The following OTOP1 variants were observed in gnomAD, a reference collection of about 807,000 sequenced individuals.
The protein encoded by OTOP1 is proton channel OTOP1.
A neutral mutation model predicts 52.9 loss-of-function variants in OTOP1; 59 were observed. The observed-to-expected ratio is 1.12, with a 90% confidence interval of 0.91 to 1.39. The LOEUF is 1.39. Ranked by LOEUF, OTOP1 falls within the 40% of genes most tolerant of loss-of-function variation. The probability of loss-of-function intolerance (pLI) is 0.00; values close to 1 mark genes in which losing one functional copy is unlikely to be tolerated. For missense variants in OTOP1, 761 were observed against 800.9 expected, an observed-to-expected ratio of 0.95 and a Z score of 0.60; for synonymous variants, 317 against 337.7, an observed-to-expected ratio of 0.94 and a Z score of 0.67.
intron 4 of OTOP1, among the ~76,000 whole-genome samples, chr4:4,201,750 AAG>A: frequency 6.6e-6 from 1 of 152,272 alleles, no homozygotes; most frequent in East Asian, 1.9e-4. Flanking sequence ...CAAATGAGAA[AAG>A]AGAGGCTCAG....
chr4:4,200,290 C>G (rs1215532141), intron 4 of OTOP1, among the ~76,000 whole-genome samples: 1 of 151,820 alleles, frequency 6.6e-6, no homozygotes, highest in South Asian at 2.1e-4. Context: ...GGTCAGGAGA[C>G]TGAGACCATC....
At chr4:4,222,577 A>G (rs1577186180) in intron 1 of OTOP1, among the ~76,000 whole-genome samples, 1 of 152,304 alleles carries the variant, frequency 6.6e-6, no homozygotes, top group South Asian at 2.1e-4. Context: ...TCATGACACT[A>G]TGTCTATATT....
rs200023070 is a variant in OTOP1 at position 4,197,743 on chromosome 4, G to A, written c.1091C>T (p.Ala364Val). The A allele has an allele frequency of 7.4e-5, 120 of 1,613,744 alleles. No individual in the cohort carries two copies. The highest frequency in any genetic ancestry group is 5.8e-4 in the East Asian group (26 of 44,866). Reference protein sequence around the residue: ...AITLLMLMGAAGLAGIRIYRI... With the variant: ...AITLLMLMGAVGLAGIRIYRI... ...GTAAATCCGGATTCCAGCCAGCCCC[G>A]CAGCCCCCATAAGCATCAGCAGGGT... Residue 364 changes from alanine to valine, a missense_variant, in exon 5 of 6, where the codon GCG becomes GTG. Physicochemically the swap from Ala to Val is moderately conservative, Grantham distance 64. Coordinates refer to ENST00000296358, the MANE Select transcript of OTOP1 (RefSeq NM_177998.3).
chr4:4,226,028 C>T (rs1206287988), intron 1 of OTOP1, among the ~76,000 whole-genome samples: 2 of 152,130 alleles, frequency 1.3e-5, no homozygotes, highest in African/African-American at 2.4e-5. Context: ...AGAGGTCCTG[C>T]GATGGGCGAG....
intron 1 of OTOP1, among the ~76,000 whole-genome samples, chr4:4,219,159 G>T (rs187618416): frequency 1.6e-4 from 25 of 152,264 alleles, no homozygotes; most frequent in African/African-American, 5.3e-4. Context: ...AAATTAGAAT[G>T]ATGTAAATCC....
chr4:4,192,478 A>G (rs573549260), intron 5 of OTOP1, among the ~76,000 whole-genome samples: 1 of 152,370 alleles, frequency 6.6e-6, no homozygotes, highest in Admixed American at 6.5e-5. Flanking sequence ...TTTGTCATAC[A>G]TTTGGGGTAG....
chr4:4,213,135 C>T (rs112765247), intron 1 of OTOP1, 131 bp from the exon 2 acceptor site: 64 of 1,176,326 alleles, frequency 5.4e-5, no homozygotes, highest in East Asian at 1.8e-4. Flanking sequence ...ACAAGGGTGC[C>T]GAGACCATTC....
intron 2 of OTOP1, among the ~76,000 whole-genome samples, chr4:4,210,829 C>CA (rs751161024): frequency 1.3e-3 from 202 of 151,244 alleles, no homozygotes; most frequent in Non-Finnish European, 2.4e-3. Flanking sequence ...AATTCTGTCT[C>CA]AAAAAAATAA....
intron 1 of OTOP1, among the ~76,000 whole-genome samples, chr4:4,225,564 C>A (rs1487167184): frequency 1.8e-4 from 2 of 10,940 alleles, no homozygotes; most frequent in African/African-American, 7.7e-4. Context: ...GCAACATTGT[C>A]TCAAAAAAAA....
At chr4:4,201,509 C>G (rs1716788858) in intron 4 of OTOP1, among the ~76,000 whole-genome samples, 1 of 149,880 alleles carries the variant, frequency 6.7e-6, no homozygotes, top group Non-Finnish European at 1.5e-5. Context: ...CATACACACA[C>G]ACATATATAG....
chr4:4,193,133 G>T (rs1007122500), intron 5 of OTOP1, among the ~76,000 whole-genome samples: 4 of 152,100 alleles, frequency 2.6e-5, no homozygotes, highest in African/African-American at 9.7e-5. Context: ...TTGCGTTTAG[G>T]ATAGAGTCTT....
chr4:4,199,708 C>A (rs1447691852), intron 4 of OTOP1, among the ~76,000 whole-genome samples: 1 of 152,146 alleles, frequency 6.6e-6, no homozygotes, highest in Non-Finnish European at 1.5e-5. Flanking sequence ...CCACCGCACC[C>A]GGCCAGGATG....
intron 4 of OTOP1, among the ~76,000 whole-genome samples, chr4:4,201,383 C>T (rs1466658042): frequency 2.6e-5 from 4 of 151,756 alleles, no homozygotes; most frequent in African/African-American, 7.3e-5. Flanking sequence ...GCCGAGGTCA[C>T]GCCACTGTAC....
At chr4:4,216,573 G>A (rs1312514272) in intron 1 of OTOP1, among the ~76,000 whole-genome samples, 1 of 152,192 alleles carries the variant, frequency 6.6e-6, no homozygotes, top group Non-Finnish European at 1.5e-5. Flanking sequence ...CTTTTCCACT[G>A]CTCAAAGCCT....
intron 3 of OTOP1, among the ~76,000 whole-genome samples, chr4:4,204,912 A>G (rs1465559072): frequency 6.6e-6 from 1 of 151,932 alleles, no homozygotes. Flanking sequence ...CTGGGACTAC[A>G]GGCGCCCACC....
At chr4:4,217,453 T>C (rs573549141) in intron 1 of OTOP1, among the ~76,000 whole-genome samples, 18 of 152,288 alleles carry the variant, frequency 1.2e-4, no homozygotes, top group Non-Finnish European at 2.2e-4. Context: ...GTCGCCCGCG[T>C]GTCAGGGCAA....
At position 4,226,495 on chromosome 4, in the gene OTOP1, T is replaced by C. The variant is rs749055103; in HGVS notation, c.370A>G (p.Lys124Glu). ...SSAHRRLFRL[K>E]DTHAGAGWLR... ...CAGCCGGCACCCGCGTGCGTGTCCT[T>C]GAGGCGGAAGAGGCGGCGGTGCGCG... The change falls in exon 1 of 6, where the codon AAG (lysine) becomes GAG (glutamate). Residue 124 changes from lysine (K) to glutamate (E), a missense_variant. Lys to Glu is a moderately conservative substitution (Grantham distance 56). Transcript: ENST00000296358. 7 of 1,573,790 alleles carry C rather than the reference T, an allele frequency of 4.4e-6. No homozygotes were observed. In the African/African-American group the frequency reaches 6.9e-5, roughly 16 times the overall value.
At chr4:4,209,721 C>T (rs191370234) in intron 2 of OTOP1, among the ~76,000 whole-genome samples, 13 of 152,236 alleles carry the variant, frequency 8.5e-5, no homozygotes, top group East Asian at 7.7e-4. Context: ...AAGACCCACA[C>T]GGCCCAGAGA....
Position 4,210,114 on chromosome 4 carries a change from A to G in OTOP1, c.540+2754T>C, listed in dbSNP as rs375568845. 1.0e-3 allele frequency among the ~76,000 whole-genome samples: 155 copies of G among 152,302 alleles called. No individual in the cohort carries two copies. The South Asian group carries it at 0.015, about 15-fold the overall frequency. On this transcript the variant is annotated intron_variant, in intron 2 of 5. Coordinates refer to ENST00000296358, the MANE Select transcript of OTOP1 (RefSeq NM_177998.3). Reference sequence around the variant, plus strand: ...TGTCTCTCACCTAACTGACACCCCTATGGTGTGTGCCATAGATTTTGCAGC... The same window carrying G: ...TGTCTCTCACCTAACTGACACCCCTGTGGTGTGTGCCATAGATTTTGCAGC...
Sources: gnomAD v4.1 joint callset for allele counts (sites outside exome capture counted in the v4.1 genomes callset) on GRCh38, gnomAD v4.1.1 for gene constraint, MANE v1.5 for transcripts, NCBI Gene and HGNC (gene_info 2026-07-23, HGNC 2026-07-21) for gene names.